Variants in MXRA7 observed in about 807,000 individuals in gnomAD.
MXRA7 encodes the protein matrix-remodeling-associated protein 7.
Under a neutral mutation model 17.4 loss-of-function variants are expected in MXRA7, and 18 were observed. That is an observed-to-expected ratio of 1.03 (90% CI 0.71 to 1.53). The LOEUF (loss-of-function observed/expected upper bound fraction) is 1.53. Ranked by LOEUF, MXRA7 falls within the 40% of genes most tolerant of loss-of-function variation. MXRA7 has a pLI of 0.00. For synonymous variants in MXRA7, 70 were observed against 101.7 expected (o/e 0.69, Z 1.87); for missense variants, 141 against 209.3 (o/e 0.67, Z 2.01).
At position 76,681,365 on chromosome 17, in the gene MXRA7, C is replaced by G. The variant is rs75153119; in HGVS notation, c.501-486G>C. Among the ~76,000 whole-genome samples the G allele has an allele frequency of 0.019, 2,850 of 152,216 alleles. 94 individuals carry two copies. The highest frequency in any genetic ancestry group is 0.064 in the African/African-American group (2,673 of 41,504). On this transcript the variant is annotated intron_variant, in intron 3 of 3. Coordinates refer to ENST00000449428, the MANE Select transcript of MXRA7 (RefSeq NM_198530.4). The surrounding 1 kb of genome is among the most constrained non-coding windows in gnomAD (Gnocchi z 4.7). ...TTTATGAACCAAGACACACTGCCAGCCCTGGGACCACTGAGAACCCAGCAG... is the reference window on the plus strand; with the variant it reads ...TTTATGAACCAAGACACACTGCCAGGCCTGGGACCACTGAGAACCCAGCAG...
At chr17:76,706,269 G>T (rs78269626) in intron 1 of MXRA7, among the ~76,000 whole-genome samples, 2,538 of 60,294 alleles carry the variant, frequency 0.042, 194 homozygotes, top group Non-Finnish European at 0.054. Context: ...AGAGGCCCAC[G>T]CTGCCGTCAC....
intron 1 of MXRA7, among the ~76,000 whole-genome samples, chr17:76,699,295 G>C (rs1415650332): frequency 6.6e-6 from 1 of 152,092 alleles, no homozygotes; most frequent in South Asian, 2.1e-4. Context: ...ACAGGAGTGT[G>C]CCACAACACC....
At chr17:76,689,198 T>G (rs2076448423) in intron 1 of MXRA7, 1 of 152,244 alleles carries the variant, frequency 6.6e-6, no homozygotes. Context: ...TAAGCGATTC[T>G]CCTGCCTCAG....
intron 1 of MXRA7, among the ~76,000 whole-genome samples, chr17:76,693,681 C>T (rs2076502330): frequency 6.6e-6 from 1 of 151,640 alleles, no homozygotes; most frequent in Non-Finnish European, 1.5e-5. Context: ...CTCATTTCTA[C>T]AAAAAAATTA....
exon 4 of MXRA7, chr17:76,672,966 C>T (rs1756759617): frequency 6.6e-6 from 1 of 152,144 alleles, no homozygotes; most frequent in South Asian, 2.1e-4. Flanking sequence ...AGCACTAGAC[C>T]CGGAAAGGCA....
At chr17:76,680,981 T>G in intron 3 of MXRA7, 102 bp from the exon 4 acceptor site, 1 of 976,596 alleles carries the variant, frequency 1.0e-6, no homozygotes, top group East Asian at 2.6e-5. Flanking sequence ...GGAGAATGTT[T>G]GGAATTGCAG....
At chr17:76,702,571 C>T (rs946257139) in intron 1 of MXRA7, among the ~76,000 whole-genome samples, 6 of 152,002 alleles carry the variant, frequency 3.9e-5, no homozygotes, top group South Asian at 2.1e-4. Flanking sequence ...TCTTGAGGGC[C>T]GGGCGCAGTG....
chr17:76,692,378 C>G (rs111532640), intron 1 of MXRA7, among the ~76,000 whole-genome samples: 1 of 151,838 alleles, frequency 6.6e-6, no homozygotes, highest in East Asian at 1.9e-4. Flanking sequence ...CTCAGCCTCC[C>G]GAGTAGCTGG....
chr17:76,682,477 C>G (rs987460029), intron 3 of MXRA7, among the ~76,000 whole-genome samples: 1 of 152,140 alleles, frequency 6.6e-6, no homozygotes, highest in African/African-American at 2.4e-5. Context: ...GTTCCCTGGA[C>G]TTGGCTGGGA....
At chr17:76,689,063 C>T (rs1567982444) in intron 1 of MXRA7, 1 of 157,240 alleles carries the variant, frequency 6.4e-6, no homozygotes, top group African/African-American at 2.4e-5. Flanking sequence ...CTCTGAGTGA[C>T]TTTTTGTTTG....
chr17:76,673,924 G>A (rs1158504450), exon 4 of MXRA7: 2 of 152,246 alleles, frequency 1.3e-5, no homozygotes, highest in East Asian at 3.8e-4. Context: ...GCCCTGAAAC[G>A]TCTCTAGCAA....
chr17:76,706,315 C>CCGT (rs1198679174), intron 1 of MXRA7, among the ~76,000 whole-genome samples: 2,596 of 96,922 alleles, frequency 0.027, 695 homozygotes, highest in East Asian at 0.06. Context: ...GCCCACGCTG[C>CCGT]CATCACAAAG....
intron 1 of MXRA7, among the ~76,000 whole-genome samples, chr17:76,699,960 T>TA (rs1368055276): frequency 1.3e-5 from 2 of 152,184 alleles, no homozygotes; most frequent in East Asian, 1.9e-4. Flanking sequence ...TATTATCATT[T>TA]TTTATTTATT....
At chr17:76,679,294 A>AGG (rs113845165), downstream of MXRA7, among the ~76,000 whole-genome samples, 3 of 148,914 alleles carry the variant, frequency 2.0e-5, no homozygotes, top group African/African-American at 5.2e-5. Context: ...TCTCAAAAAA[A>AGG]AAAAAAAAAA....
In MXRA7 at chr17:76,679,632, G is replaced by A. The variant is rs2076272626; in HGVS notation, c.*1235C>T. On this transcript the variant is annotated 3_prime_UTR_variant, in exon 4 of 4. Transcript: ENST00000449428. ...GGCTGAATACAGAGATCCAAGCCAT[G>A]AGGAGTACATGAGGTGTGGTGCCTA... 1.0e-6 allele frequency: 1 copy of A among 962,282 alleles called. No homozygotes were observed. Among genetic ancestry groups the A allele is most frequent in the African/African-American group, 1.8e-5 (1 of 56,874 alleles). The allele number at this position is 962,282 out of a possible 1,614,324, so 59.6% of individuals were successfully genotyped here.
chr17:76,696,945 G>A (rs866017278), intron 1 of MXRA7, among the ~76,000 whole-genome samples: 1 of 152,164 alleles, frequency 6.6e-6, no homozygotes, highest in South Asian at 2.1e-4. Flanking sequence ...CAGAGCAGCT[G>A]CTCGAGCGCT....
downstream of MXRA7, among the ~76,000 whole-genome samples, chr17:76,679,293 A>AG (rs1319519816): frequency 2.0e-5 from 3 of 149,428 alleles, 1 homozygote; most frequent in Admixed American, 2.0e-4. Context: ...GTCTCAAAAA[A>AG]AAAAAAAAAA....
Position 76,710,695 on chromosome 17 carries a change from C to T in MXRA7, c.252G>A (p.Gly84=). Residue 84 remains glycine, a synonymous_variant, in exon 1 of 4, where the codon GGG becomes GGA. Transcript: ENST00000449428. ...PGEPAGLGEL[G]EPAGPGEPEG... is the part of the protein sequence containing the mutation. Reference sequence around the variant, plus strand: ...CGGGCTCCCCCGGTCCCGCAGGCTCCCCGAGCTCCCCCAGCCCCGCGGGCT... The same window carrying T: ...CGGGCTCCCCCGGTCCCGCAGGCTCTCCGAGCTCCCCCAGCCCCGCGGGCT... The T allele has an allele frequency of 6.5e-6, 8 of 1,225,348 alleles. No individual in the cohort carries two copies. The highest frequency in any genetic ancestry group is 6.2e-6 in the Non-Finnish European group (6 of 971,604). 75.9% of individuals were successfully genotyped at this position (1,225,348 alleles called of 1,614,324 possible). A position where few individuals can be genotyped will look rare whatever the true frequency, so the allele number is the denominator to read the frequency against.
intron 2 of MXRA7, 50 bp from the exon 3 acceptor site, chr17:76,685,215 C>T (rs765649036): frequency 1.4e-6 from 2 of 1,390,538 alleles, no homozygotes; most frequent in Non-Finnish European, 2.0e-6. Flanking sequence ...GAGGCTGGCC[C>T]CACAAACCCC....
Sources: gnomAD v4.1 joint callset for allele counts (sites outside exome capture counted in the v4.1 genomes callset) on GRCh38, gnomAD v4.1.1 for gene constraint, Gnocchi (gnomAD v3.1) non-coding constraint, MANE v1.5 for transcripts, NCBI Gene and HGNC (gene_info 2026-07-23, HGNC 2026-07-21) for gene names.